The following CCDC149 variants were observed in gnomAD, a reference collection of about 807,000 sequenced individuals.
CCDC149 encodes coiled-coil domain containing 149.
A neutral mutation model predicts 59.9 loss-of-function variants in CCDC149; 45 were observed. The ratio of observed to expected loss-of-function variants is 0.75; its 90% CI spans 0.59 to 0.96. The LOEUF is 0.96. Ranked by LOEUF, CCDC149 falls within the 40% of genes least tolerant of loss-of-function variation. The pLI, the probability that CCDC149 is intolerant of heterozygous loss-of-function variation, is 0.00. For synonymous variants in CCDC149, 245 were observed against 260.6 expected (o/e 0.94, Z 0.58); for missense variants, 584 against 664.7 (o/e 0.88, Z 1.33).
At chr4:24,883,045 A>G (rs894526771) in intron 1 of CCDC149, among the ~76,000 whole-genome samples, 7 of 152,226 alleles carry the variant, frequency 4.6e-5, no homozygotes, top group African/African-American at 1.7e-4. Flanking sequence ...TATCCTTTAG[A>G]GTCAGCACTG....
intron 1 of CCDC149, among the ~76,000 whole-genome samples, chr4:24,930,065 T>C (rs1342252822): frequency 1.3e-5 from 2 of 152,236 alleles, no homozygotes; most frequent in Non-Finnish European, 2.9e-5. Flanking sequence ...CCTTTCCTCT[T>C]TTTCCTGGAC....
rs539608551 is a variant in CCDC149 at position 24,837,466 on chromosome 4, G to C, written c.490-66C>G. On this transcript the variant is annotated intron_variant, in intron 5 of 12. Coordinates refer to ENST00000635206, the MANE Select transcript of CCDC149 (RefSeq NM_001330643.2). The surrounding 1 kb of genome is among the most constrained non-coding windows in gnomAD (Gnocchi z 4.3). Reference sequence around the variant, plus strand: ...GGCTCCAGCTTTATGGCCAGAGATGGAGCCTCCCACTTGGTTGACTGATTT... The same window carrying C: ...GGCTCCAGCTTTATGGCCAGAGATGCAGCCTCCCACTTGGTTGACTGATTT... The C allele has an allele frequency of 1.4e-5, 21 of 1,524,296 alleles. No homozygotes were observed. The East Asian group carries it at 2.7e-4, about 20-fold the overall frequency. 94.4% of individuals were successfully genotyped at this position (1,524,296 alleles called of 1,614,324 possible).
At chr4:24,906,410 A>ATTT (rs1721534996) in intron 1 of CCDC149, among the ~76,000 whole-genome samples, 1 of 145,164 alleles carries the variant, frequency 6.9e-6, no homozygotes, top group African/African-American at 2.7e-5. Context: ...ATTTTATTTT[A>ATTT]CTTTATTTGA....
chr4:24,878,374 A>G (rs1719611857), intron 1 of CCDC149, among the ~76,000 whole-genome samples: 1 of 152,180 alleles, frequency 6.6e-6, no homozygotes, highest in South Asian at 2.1e-4. Flanking sequence ...CCTGCCTTAA[A>G]ATGTCCTGGA....
rs757626533 is a variant in CCDC149, at chr4:24,807,239, T to C, written c.*1150A>G. The C allele has an allele frequency of 2.0e-5, 3 of 152,276 alleles. No homozygotes were observed. Among genetic ancestry groups the C allele is most frequent in the Middle Eastern group, 3.4e-3 (1 of 294 alleles). 9.4% of individuals were successfully genotyped at this position (152,276 alleles called of 1,614,324 possible). Reference sequence around the variant, plus strand: ...GCCGGATGCCAACTAGAAAAGCTCATTTTTATCTGAAAGGAAAGAACCAGC... The same window carrying C: ...GCCGGATGCCAACTAGAAAAGCTCACTTTTATCTGAAAGGAAAGAACCAGC... On this transcript the variant is annotated 3_prime_UTR_variant, in exon 13 of 13. Transcript: ENST00000635206.
intron 1 of CCDC149, among the ~76,000 whole-genome samples, chr4:24,964,601 T>C (rs1723742606): frequency 6.6e-6 from 1 of 152,130 alleles, no homozygotes; most frequent in African/African-American, 2.4e-5. Context: ...ACTAAAGAAT[T>C]GTTATTTATA....
chr4:24,885,964 C>T (rs1167354633), intron 1 of CCDC149, among the ~76,000 whole-genome samples: 1 of 152,182 alleles, frequency 6.6e-6, no homozygotes, highest in African/African-American at 2.4e-5. Context: ...ATTTTCCAAA[C>T]TGCTAAATGT....
At chr4:24,833,340 T>C (rs553479617) in intron 8 of CCDC149, among the ~76,000 whole-genome samples, 1 of 152,328 alleles carries the variant, frequency 6.6e-6, no homozygotes, top group Admixed American at 6.5e-5. Context: ...ACAGAATTAT[T>C]TGGCCAGGTG....
At chr4:24,838,786 A>C (rs1382987812) in intron 4 of CCDC149, among the ~76,000 whole-genome samples, 2 of 151,922 alleles carry the variant, frequency 1.3e-5, no homozygotes, top group Admixed American at 1.3e-4. Context: ...TTTAAAAAAA[A>C]AAAACAAAAA....
chr4:24,962,763 T>C (rs1723674404), intron 1 of CCDC149, among the ~76,000 whole-genome samples: 2 of 151,818 alleles, frequency 1.3e-5, no homozygotes, highest in Admixed American at 1.3e-4. Context: ...GGGATAGCAT[T>C]AGGAGATATA....
At chr4:24,976,703 G>A (rs569149209) in intron 1 of CCDC149, among the ~76,000 whole-genome samples, 12 of 152,164 alleles carry the variant, frequency 7.9e-5, no homozygotes, top group Non-Finnish European at 8.8e-5. Flanking sequence ...GCAACAGAGC[G>A]AGACTGACTC....
At chr4:24,908,709 A>G (rs950503493) in intron 1 of CCDC149, among the ~76,000 whole-genome samples, 2 of 152,146 alleles carry the variant, frequency 1.3e-5, no homozygotes, top group African/African-American at 4.8e-5. Flanking sequence ...CTAAAACAAC[A>G]ACGACAAAAA....
At chr4:24,819,740 G>C (rs993144016) in intron 12 of CCDC149, 119 bp downstream of exon 12, 2 of 773,682 alleles carry the variant, frequency 2.6e-6, no homozygotes, top group African/African-American at 3.4e-5. Flanking sequence ...TCTGAGGAAT[G>C]TCCCAATGAT....
At chr4:24,947,076 A>G (rs1723132001) in intron 1 of CCDC149, among the ~76,000 whole-genome samples, 1 of 152,332 alleles carries the variant, frequency 6.6e-6, no homozygotes, top group East Asian at 1.9e-4. Flanking sequence ...TGGATAAATT[A>G]TGTTAATTTT....
chr4:24,860,932 G>A (rs1443695678), intron 3 of CCDC149, among the ~76,000 whole-genome samples: 1 of 152,030 alleles, frequency 6.6e-6, no homozygotes, highest in Admixed American at 6.5e-5. Flanking sequence ...TATTACTCCT[G>A]TAAGGCCATA....
intron 7 of CCDC149, 87 bp downstream of exon 7, chr4:24,836,349 T>C (rs554686354): frequency 4.3e-6 from 4 of 920,434 alleles, no homozygotes; most frequent in Non-Finnish European, 7.1e-6. Context: ...TACTAAAATA[T>C]CTTTGGCACA....
intron 1 of CCDC149, among the ~76,000 whole-genome samples, chr4:24,887,924 C>T (rs1296749300): frequency 6.6e-6 from 1 of 152,198 alleles, no homozygotes; most frequent in Non-Finnish European, 1.5e-5. Flanking sequence ...CCTCCATGTT[C>T]CTGTTCAGCC....
At chr4:24,912,394 G>A (rs1721926585) in intron 1 of CCDC149, among the ~76,000 whole-genome samples, 1 of 152,132 alleles carries the variant, frequency 6.6e-6, no homozygotes, top group South Asian at 2.1e-4. Context: ...AATTCCACCT[G>A]GCCCAGGTTC....
At chr4:24,851,929 C>G (rs1717683333) in intron 4 of CCDC149, among the ~76,000 whole-genome samples, 1 of 151,880 alleles carries the variant, frequency 6.6e-6, no homozygotes, top group South Asian at 2.1e-4. Flanking sequence ...TATTTCATGA[C>G]TAGGAATAGT....
Sources: gnomAD v4.1 joint callset for allele counts (sites outside exome capture counted in the v4.1 genomes callset) on GRCh38, gnomAD v4.1.1 for gene constraint, Gnocchi (gnomAD v3.1) non-coding constraint, MANE v1.5 for transcripts, NCBI Gene and HGNC (gene_info 2026-07-23, HGNC 2026-07-21) for gene names.